The following NFAT5 variants were observed in gnomAD, a reference collection of about 807,000 sequenced individuals.
NFAT5 encodes the protein nuclear factor of activated T cells 5, also known as nuclear factor of activated T-cells 5.
A neutral mutation model predicts 166.5 loss-of-function variants in NFAT5; 31 were observed. The observed-to-expected ratio is 0.19, with a 90% CI of 0.14 to 0.25. The LOEUF is 0.25. NFAT5 is among the 10% of genes least tolerant of loss of function. The pLI is 1.00. For missense variants in NFAT5, 1,449 were observed against 1,821.8 expected, an observed-to-expected ratio of 0.80 and a Z score of 3.72; for synonymous variants, 612 against 639.7, an observed-to-expected ratio of 0.96 and a Z score of 0.65.
rs182677190 is a variant in NFAT5, at chr16:69,704,507, G to T, written c.*8156G>T. ...AGATATTTTCAGTTTGTTCTCTGGG[G>T]GAATTTCATTTGCATCTATGTTTTT... is the stretch of plus-strand genomic sequence containing the variant. On this transcript the variant is annotated 3_prime_UTR_variant, in exon 15 of 15. Coordinates refer to ENST00000349945, the MANE Select transcript of NFAT5 (RefSeq NM_138713.4). 5 of 152,600 alleles carry T rather than the reference G, an allele frequency of 3.3e-5. No homozygotes were observed. The East Asian group carries it at 9.6e-4, about 29-fold the overall frequency. The allele number at this position is 152,600 out of a possible 1,614,324, so 9.5% of individuals were successfully genotyped here. A position where few individuals can be genotyped will look rare whatever the true frequency, so the allele number is the denominator to read the frequency against.
intron 2 of NFAT5, among the ~76,000 whole-genome samples, chr16:69,595,429 G>A (rs1280845865): frequency 1.3e-5 from 2 of 152,090 alleles, no homozygotes; most frequent in Non-Finnish European, 2.9e-5. Flanking sequence ...GGTTTCTGGT[G>A]CAACATATTG....
chr16:69,689,481 C>T lies in NFAT5; in HGVS notation c.1775-1459C>T, dbSNP rs567943152. On this transcript the variant is annotated intron_variant, in intron 11 of 14. Transcript: ENST00000349945. Reference sequence around the variant, plus strand: ...GTTTTCATAGGAATTAGGTTTTTAGCCAAATGGCTGTGAGGCAAGTTGAAG... The same window carrying T: ...GTTTTCATAGGAATTAGGTTTTTAGTCAAATGGCTGTGAGGCAAGTTGAAG... 2.6e-5 allele frequency among the ~76,000 whole-genome samples: 4 copies of T among 152,274 alleles called. No individual in the cohort carries two copies. The East Asian group carries it at 7.7e-4, about 29-fold the overall frequency.
chr16:69,599,397 T>A (rs1321984585), intron 2 of NFAT5, among the ~76,000 whole-genome samples: 2 of 151,858 alleles, frequency 1.3e-5, no homozygotes, highest in Non-Finnish European at 2.9e-5. Flanking sequence ...GCCAATATGG[T>A]GAAACCCTGT....
chr16:69,697,824 A>G lies in NFAT5; in HGVS notation c.*1473A>G, dbSNP rs2037808975. ...AAAGCTGTCAATGCAGTGTAAGGCCAACGTGTGTGTGGCTTCTATGTGTTG... is the reference window on the plus strand; with the variant it reads ...AAAGCTGTCAATGCAGTGTAAGGCCGACGTGTGTGTGGCTTCTATGTGTTG... On this transcript the variant is annotated 3_prime_UTR_variant, in exon 15 of 15. Coordinates refer to ENST00000349945, the MANE Select transcript of NFAT5 (RefSeq NM_138713.4). The G allele has an allele frequency of 6.6e-6, 1 of 152,620 alleles. No homozygotes were observed. Among genetic ancestry groups the G allele is most frequent in the South Asian group, 2.1e-4 (1 of 4,832 alleles). 9.5% of individuals were successfully genotyped at this position (152,620 alleles called of 1,614,324 possible). A position where few individuals can be genotyped will look rare whatever the true frequency, so the allele number is the denominator to read the frequency against.
chr16:69,640,894 T>A (rs933601240), intron 3 of NFAT5, among the ~76,000 whole-genome samples: 5 of 151,394 alleles, frequency 3.3e-5, no homozygotes, highest in African/African-American at 4.9e-5. Flanking sequence ...GGCAGAAGAA[T>A]CGCTTGACTC....
Position 69,693,637 on chromosome 16 carries a change from A to T in NFAT5, c.3812A>T (p.Gln1271Leu). ...TCTCCATCCCAGGAACAGCAGCAGC[A>T]GCAGCAACAGCAGCAGCAACAGCAG... ...SNSPSQEQQQ[Q>L]QQQQQQQQQQ... Residue 1271 changes from glutamine (Q) to leucine (L), a missense_variant, in exon 13 of 15, where the codon CAG (glutamine) becomes CTG (leucine). Physicochemically the swap from Gln to Leu is moderately radical, Grantham distance 113. Coordinates refer to ENST00000349945, the MANE Select transcript of NFAT5 (RefSeq NM_138713.4). 6.2e-7 allele frequency: 1 copy of T among 1,613,122 alleles called. No individual in the cohort carries two copies. Among genetic ancestry groups the T allele is most frequent in the Non-Finnish European group, 8.5e-7 (1 of 1,179,374 alleles).
At chr16:69,629,451 C>T (rs1243978777) in intron 3 of NFAT5, among the ~76,000 whole-genome samples, 1 of 152,112 alleles carries the variant, frequency 6.6e-6, no homozygotes, top group African/African-American at 2.4e-5. Context: ...TCTGCTTCTA[C>T]ACAATTCATA....
chr16:69,611,725 C>A (rs1323152148), intron 2 of NFAT5, among the ~76,000 whole-genome samples: 2 of 152,188 alleles, frequency 1.3e-5, no homozygotes, highest in African/African-American at 4.8e-5. Flanking sequence ...TTTGGGAGGG[C>A]AGAGCCCTCA....
At chr16:69,581,750 A>G (rs1228431699) in intron 2 of NFAT5, among the ~76,000 whole-genome samples, 2 of 152,186 alleles carry the variant, frequency 1.3e-5, no homozygotes, top group Non-Finnish European at 2.9e-5. Flanking sequence ...CTTTGGAGAA[A>G]TGCCTATTCA....
intron 2 of NFAT5, among the ~76,000 whole-genome samples, chr16:69,596,306 T>G (rs930207080): frequency 1.1e-4 from 17 of 152,194 alleles, no homozygotes; most frequent in African/African-American, 4.1e-4. Context: ...TTTATTTCAT[T>G]TAATGTTTTT....
At chr16:69,654,350 A>G (rs757189541) in intron 5 of NFAT5, among the ~76,000 whole-genome samples, 6 of 152,196 alleles carry the variant, frequency 3.9e-5, no homozygotes, top group Admixed American at 1.3e-4. Flanking sequence ...TGAAATTATG[A>G]TTGAAACTCT....
chr16:69,566,091 G>C lies in NFAT5; in HGVS notation c.-211G>C. On this transcript the variant is annotated 5_prime_UTR_variant, in exon 1 of 15. Coordinates refer to ENST00000349945, the MANE Select transcript of NFAT5 (RefSeq NM_138713.4). This position sits in a 1 kb window ranked among gnomAD's most constrained non-coding sequence, Gnocchi z 5.7. Reference sequence around the variant, plus strand: ...CCTGAACCCCTCTCCTGGTCACCGAGAATCAGTCCCCGTGGAGTTCCCCCT... The same window carrying C: ...CCTGAACCCCTCTCCTGGTCACCGACAATCAGTCCCCGTGGAGTTCCCCCT... The C allele has an allele frequency of 1.8e-6, 1 of 541,226 alleles. No homozygotes were observed. The allele number at this position is 541,226 out of a possible 1,614,324, so 33.5% of individuals were successfully genotyped here.
chr16:69,601,518 C>T (rs2033133552), intron 2 of NFAT5, among the ~76,000 whole-genome samples: 1 of 152,070 alleles, frequency 6.6e-6, no homozygotes, highest in Admixed American at 6.6e-5. Context: ...TAGGTGTGCA[C>T]CACCATGCTC....
chr16:69,641,466 TTA>T (rs1467736888), intron 3 of NFAT5, among the ~76,000 whole-genome samples: 9 of 151,998 alleles, frequency 5.9e-5, no homozygotes, highest in Middle Eastern at 3.2e-3. Flanking sequence ...TGTTGAAAAA[TTA>T]TAAAATATGT....
intron 10 of NFAT5, among the ~76,000 whole-genome samples, chr16:69,679,178 G>A (rs1031088864): frequency 5.9e-5 from 9 of 151,948 alleles, no homozygotes; most frequent in East Asian, 1.9e-4. Context: ...TGATCTGCCC[G>A]CCTCGGCCTC....
intron 2 of NFAT5, among the ~76,000 whole-genome samples, chr16:69,582,440 G>A (rs2031761613): frequency 6.6e-6 from 1 of 151,778 alleles, no homozygotes. Context: ...GCCTAGCCCA[G>A]GGTCACAGAG....
At position 69,702,221 on chromosome 16, in the gene NFAT5, T is replaced by C. The variant is rs1567625019; in HGVS notation, c.*5870T>C. 2.0e-5 allele frequency: 3 copies of C among 152,700 alleles called. No homozygotes were observed. The highest frequency in any genetic ancestry group is 7.2e-5 in the African/African-American group (3 of 41,472). The allele number at this position is 152,700 out of a possible 1,614,324, so 9.5% of individuals were successfully genotyped here. ...CTGTATAGTGATGATTCCTTCCTAA[T>C]GAATTCATCTTAACTATTTAGAATG... On this transcript the variant is annotated 3_prime_UTR_variant, in exon 15 of 15. Coordinates refer to ENST00000349945, the MANE Select transcript of NFAT5 (RefSeq NM_138713.4).
intron 9 of NFAT5, 24 bp downstream of exon 9, chr16:69,670,312 A>G (rs1369919746): frequency 6.9e-7 from 1 of 1,453,414 alleles, no homozygotes; most frequent in Non-Finnish European, 9.5e-7. Context: ...TTTTTTTATA[A>G]TTTGGTTATT....
At chr16:69,682,783 T>C (rs567776009) in intron 10 of NFAT5, among the ~76,000 whole-genome samples, 91 of 152,318 alleles carry the variant, frequency 6.0e-4, no homozygotes, top group Non-Finnish European at 6.3e-4. Context: ...CTATAAATCA[T>C]TTGTTGGACC....
Sources: allele counts gnomAD v4.1 joint callset (sites outside exome capture counted in the v4.1 genomes callset), GRCh38; gene constraint gnomAD v4.1.1; non-coding constraint Gnocchi (gnomAD v3.1); transcripts MANE v1.5; gene names NCBI Gene and HGNC (gene_info 2026-07-23, HGNC 2026-07-21).